The following PCDHGA4 variants were observed in gnomAD, a reference collection of about 807,000 sequenced individuals.
PCDHGA4 encodes the protein protocadherin gamma subfamily A, 4.
A neutral mutation model predicts 54.6 loss-of-function variants in PCDHGA4; 38 were observed. That is an observed-to-expected ratio of 0.70 (90% CI 0.54 to 0.91). The LOEUF is 0.91. Among genes scored for constraint, PCDHGA4 ranks in the 40% least tolerant of loss-of-function variants. PCDHGA4 has a pLI of 0.00. For missense variants in PCDHGA4, 1,298 were observed against 1,220.9 expected, an observed-to-expected ratio of 1.06 and a Z score of -0.94; for synonymous variants, 511 against 512.9, an observed-to-expected ratio of 1.00 and a Z score of 0.05.
At chr5:141,419,796 T>C (rs1334397368) in intron 1 of PCDHGA4, 1 of 1,614,026 alleles carries the variant, frequency 6.2e-7, no homozygotes, top group Admixed American at 1.7e-5. Flanking sequence ...CTAGTCGCTG[T>C]AAGAGATGGA....
chr5:141,358,195 A>G (rs559791322), intron 1 of PCDHGA4, among the ~76,000 whole-genome samples: 1 of 152,198 alleles, frequency 6.6e-6, no homozygotes, highest in East Asian at 1.9e-4. Flanking sequence ...GTCTCCAAAA[A>G]GTAAAATAAA....
intron 3 of PCDHGA4, among the ~76,000 whole-genome samples, chr5:141,509,345 G>A (rs1203328830): frequency 6.6e-6 from 1 of 152,196 alleles, no homozygotes; most frequent in Non-Finnish European, 1.5e-5. Flanking sequence ...GGCCTGGGCT[G>A]GCCTGGGCAT....
chr5:141,408,833 A>G, intron 1 of PCDHGA4: 1 of 1,613,704 alleles, frequency 6.2e-7, no homozygotes, highest in Non-Finnish European at 8.5e-7. Context: ...TCATAGCTTG[A>G]TATTGACTGC....
chr5:141,408,332 G>A, intron 1 of PCDHGA4: 1 of 1,613,912 alleles, frequency 6.2e-7, no homozygotes, highest in South Asian at 1.1e-5. Context: ...GCTGGCCAAG[G>A]GCTCGGTGGT....
At chr5:141,478,161 C>T (rs201111122) in intron 1 of PCDHGA4, 20 of 1,613,852 alleles carry the variant, frequency 1.2e-5, no homozygotes, top group Admixed American at 3.3e-5. Context: ...TCTGGCTCTG[C>T]CCCCCGGGAG....
intron 1 of PCDHGA4, chr5:141,362,627 G>T: frequency 1.3e-6 from 2 of 1,505,114 alleles, no homozygotes; most frequent in Non-Finnish European, 1.8e-6. Flanking sequence ...AAGTTCCACT[G>T]CGTATTTCTT....
At position 141,505,514 on chromosome 5, in the gene PCDHGA4, G is replaced by A. The variant is rs758026551; in HGVS notation, c.2662+33G>A. The A allele has an allele frequency of 1.2e-5, 20 of 1,613,682 alleles. No homozygotes were observed. The South Asian group carries it at 1.8e-4, about 14-fold the overall frequency. ...GTGTCAGTGTGTGTATGGAAGAGTGGGAGACCTGGGGTTCTGGGGTGCATC... is the reference window on the plus strand; with the variant it reads ...GTGTCAGTGTGTGTATGGAAGAGTGAGAGACCTGGGGTTCTGGGGTGCATC... On this transcript the variant is annotated intron_variant, in intron 3 of 3. Transcript: ENST00000571252.
At position 141,432,993 on chromosome 5, in the gene PCDHGA4, G is replaced by C. The variant is rs749499789; in HGVS notation, c.2515-61814G>C. 7 of 1,614,208 alleles carry C rather than the reference G, an allele frequency of 4.3e-6. No homozygotes were observed. In the South Asian group the frequency reaches 7.7e-5, roughly 18 times the overall value. On this transcript the variant is annotated intron_variant, in intron 1 of 3. Transcript: ENST00000571252. This position sits in a 1 kb window ranked among gnomAD's most constrained non-coding sequence, Gnocchi z 6.0. ...GCGTCGCACTTTGTGGGCGTGGACG[G>C]GGTGCAGGCTTTCCTGCAGACCTAT...
chr5:141,441,671 C>T (rs1027440120), intron 1 of PCDHGA4: 1 of 287,648 alleles, frequency 3.5e-6, no homozygotes, highest in African/African-American at 2.3e-5. Flanking sequence ...GCGCACAGTG[C>T]GCCTTCGACC....
intron 1 of PCDHGA4, chr5:141,374,015 G>T: frequency 1.5e-6 from 2 of 1,375,596 alleles, no homozygotes; most frequent in Non-Finnish European, 1.9e-6. Context: ...CTATTTCTGA[G>T]AAGAGCAAAA....
Position 141,355,899 on chromosome 5 carries a change from G to A in PCDHGA4, c.792G>A (p.Val264=), listed in dbSNP as rs1312662516. The change falls in exon 1 of 4, where the codon GTG becomes GTA. Residue 264 remains valine (V), a synonymous_variant. Coordinates refer to ENST00000571252, the MANE Select transcript of PCDHGA4 (RefSeq NM_018917.4). ...CTGCCAGGATTCTCATAATACTTGT[G>A]GATACCAACGATAATGCTCCCGTGT... ...SGTARILIIL[V]DTNDNAPVFT... The A allele has an allele frequency of 6.2e-7, 1 of 1,613,612 alleles. No homozygotes were observed. The highest frequency in any genetic ancestry group is 1.7e-5 in the Admixed American group (1 of 59,986).
At chr5:141,371,456 A>G (rs755481962) in intron 1 of PCDHGA4, 2 of 1,614,020 alleles carry the variant, frequency 1.2e-6, no homozygotes, top group South Asian at 1.1e-5. Context: ...CTGAATCCCA[A>G]CATATACAAG....
intron 1 of PCDHGA4, chr5:141,418,940 C>T (rs867717378): frequency 5.6e-6 from 9 of 1,614,010 alleles, no homozygotes; most frequent in Non-Finnish European, 7.6e-6. Flanking sequence ...GGAGGATTCC[C>T]CTCCAGGAGT....
intron 1 of PCDHGA4, among the ~76,000 whole-genome samples, chr5:141,484,211 G>A (rs1362875959): frequency 6.6e-6 from 1 of 152,158 alleles, no homozygotes; most frequent in Non-Finnish European, 1.5e-5. Context: ...ATGAACATTA[G>A]CATTCTGCCA....
rs1018384314 is a variant in PCDHGA4 at position 141,490,427 on chromosome 5, A to G, written c.2515-4380A>G. On this transcript the variant is annotated intron_variant, in intron 1 of 3. Coordinates refer to ENST00000571252, the MANE Select transcript of PCDHGA4 (RefSeq NM_018917.4). This position sits in a 1 kb window ranked among gnomAD's most constrained non-coding sequence, Gnocchi z 5.4. ...GATATCTCTCCGGACCTGCCATTTCAGATTAAGCCTTCTGAGAACCACTAC... is the reference window on the plus strand; with the variant it reads ...GATATCTCTCCGGACCTGCCATTTCGGATTAAGCCTTCTGAGAACCACTAC... 6.2e-7 allele frequency: 1 copy of G among 1,614,092 alleles called. No individual in the cohort carries two copies.
Position 141,355,956 on chromosome 5 carries a change from TG to T in PCDHGA4, c.850del (p.Glu284ArgfsTer5). 3.7e-6 allele frequency: 6 copies of T among 1,613,914 alleles called. No homozygotes were observed. Among genetic ancestry groups the T allele is most frequent in the Non-Finnish European group, 5.1e-6 (6 of 1,179,870 alleles). The part of the protein sequence containing the change: ...TQPEYHVSVR[E>X]NVPVGTRLLT... ...AGCCCGAGTACCACGTAAGTGTTCG[TG>T]AGAACGTTCCTGTAGGCACTCGGCT... is the stretch of plus-strand genomic sequence containing the variant. On this transcript the variant is annotated frameshift_variant, in exon 1 of 4. Transcript: ENST00000571252. LOFTEE classifies it high-confidence loss of function.
intron 1 of PCDHGA4, chr5:141,478,776 A>G (rs961079570): frequency 1.3e-6 from 2 of 1,488,690 alleles, no homozygotes; most frequent in East Asian, 2.5e-5. Flanking sequence ...TCATCTGTGG[A>G]CCTAATTCAC....
chr5:141,389,355 G>A, intron 1 of PCDHGA4: 3 of 1,613,950 alleles, frequency 1.9e-6, no homozygotes, highest in Non-Finnish European at 1.7e-6. Flanking sequence ...CTGCATCATG[G>A]CCAGTGACCT....
intron 1 of PCDHGA4, chr5:141,420,220 A>G (rs2096478738): frequency 6.2e-7 from 1 of 1,608,142 alleles, no homozygotes; most frequent in African/African-American, 1.3e-5. Flanking sequence ...ATAGCATGCT[A>G]CTGGCTAGCA....
Sources: gnomAD v4.1 joint callset for allele counts (sites outside exome capture counted in the v4.1 genomes callset) on GRCh38, gnomAD v4.1.1 for gene constraint, Gnocchi (gnomAD v3.1) non-coding constraint, MANE v1.5 for transcripts, NCBI Gene and HGNC (gene_info 2026-07-23, HGNC 2026-07-21) for gene names.